The following BPTF variants were observed in gnomAD, a reference collection of about 807,000 sequenced individuals.
BPTF encodes the protein bromodomain PHD finger transcription factor.
Under a neutral mutation model 292.5 loss-of-function variants are expected in BPTF, and 18 were observed. The ratio of observed to expected loss-of-function variants is 0.06; its 90% CI spans 0.04 to 0.09. The LOEUF (loss-of-function observed/expected upper bound fraction) is 0.09, where lower values mean the gene tolerates loss of function less well. BPTF is among the 10% of genes least tolerant of loss of function. The pLI is 1.00. For synonymous variants in BPTF, 1,225 were observed against 1,251.9 expected, an observed-to-expected ratio of 0.98 and a Z score of 0.45; for missense variants, 2,726 against 3,498.7, an observed-to-expected ratio of 0.78 and a Z score of 5.57.
intron 4 of BPTF, among the ~76,000 whole-genome samples, chr17:67,883,374 A>G (rs923536969): frequency 4.6e-5 from 7 of 152,148 alleles, no homozygotes; most frequent in African/African-American, 1.7e-4. Context: ...TACACAGTTC[A>G]TTTGTTTCAG....
At chr17:67,930,520 A>G (rs922027633) in intron 17 of BPTF, among the ~76,000 whole-genome samples, 1 of 152,108 alleles carries the variant, frequency 6.6e-6, no homozygotes, top group Non-Finnish European at 1.5e-5. Context: ...TTTCTTTGTT[A>G]CTAGTATGGA....
chr17:67,912,132 A>G lies in BPTF; in HGVS notation c.4248A>G (p.Ile1416Met). The change falls in exon 11 of 28, where the codon ATA becomes ATG. Residue 1416 changes from isoleucine to methionine, a missense_variant. Coordinates refer to ENST00000306378, the MANE Select transcript of BPTF (RefSeq NM_182641.4). Reference protein sequence around the residue: ...QINGKDNKPKIYLKGECLKEI... With the variant: ...QINGKDNKPKMYLKGECLKEI... ...ATGGAAAAGATAATAAACCCAAAAT[A>G]TATTTGAAAGGTGAATGCTTGAAAG... The G allele has an allele frequency of 1.2e-6, 2 of 1,611,012 alleles. No individual in the cohort carries two copies. Among genetic ancestry groups the G allele is most frequent in the South Asian group, 1.1e-5 (1 of 90,108 alleles).
intron 7 of BPTF, among the ~76,000 whole-genome samples, chr17:67,897,525 A>G (rs117307545): frequency 0.051 from 7,747 of 152,120 alleles, 300 homozygotes; most frequent in Non-Finnish European, 0.071. Context: ...AGATGGTGGA[A>G]TAAAAGTCCC....
At chr17:67,961,943 C>T (rs2067541189) in intron 24 of BPTF, among the ~76,000 whole-genome samples, 1 of 151,096 alleles carries the variant, frequency 6.6e-6, no homozygotes, top group South Asian at 2.1e-4. Context: ...CACTGTACTC[C>T]AGCCTGGGAG....
At chr17:67,891,389 A>G (rs1004089803) in intron 4 of BPTF, 2 of 152,526 alleles carry the variant, frequency 1.3e-5, no homozygotes, top group Non-Finnish European at 2.9e-5. Context: ...TGGAAAATTC[A>G]TGACATTTAT....
chr17:67,894,067 C>T lies in BPTF; in HGVS notation c.2445C>T (p.Ser815=), dbSNP rs1197130226. Reference sequence around the variant, plus strand: ...GGATCAAGGCAGTTCAGATGTGTAGCAAACCCAGAGAATTTGCATTGGCTT... The same window carrying T: ...GGATCAAGGCAGTTCAGATGTGTAGTAAACCCAGAGAATTTGCATTGGCTT... ...ANWIKAVQMC[S]KPREFALALA... Residue 815 remains serine, a synonymous_variant, in exon 7 of 28, where the codon AGC becomes AGT. Coordinates refer to ENST00000306378, the MANE Select transcript of BPTF (RefSeq NM_182641.4). 1 of 1,614,032 alleles carries T rather than the reference C, an allele frequency of 6.2e-7. No individual in the cohort carries two copies. The highest frequency in any genetic ancestry group is 1.7e-5 in the Admixed American group (1 of 60,026).
At chr17:67,928,752 A>G in intron 16 of BPTF, 151 bp downstream of exon 16, 1 of 1,096,580 alleles carries the variant, frequency 9.1e-7, no homozygotes, top group Non-Finnish European at 1.3e-6. Flanking sequence ...TTTGTTACAA[A>G]TAATGTTCAT....
At chr17:67,976,500 A>G (rs2069436098) in intron 27 of BPTF, among the ~76,000 whole-genome samples, 1 of 152,022 alleles carries the variant, frequency 6.6e-6, no homozygotes, top group African/African-American at 2.4e-5. Context: ...AGCCTTGTCA[A>G]CATAATGAGA....
At chr17:67,892,821 A>G (rs2061208930) in intron 5 of BPTF, among the ~76,000 whole-genome samples, 1 of 152,226 alleles carries the variant, frequency 6.6e-6, no homozygotes, top group African/African-American at 2.4e-5. Flanking sequence ...CTATTGCATT[A>G]CATTTTATTT....
At chr17:67,852,705 A>G (rs1050424506) in intron 1 of BPTF, among the ~76,000 whole-genome samples, 3 of 152,250 alleles carry the variant, frequency 2.0e-5, no homozygotes, top group African/African-American at 7.2e-5. Context: ...TGAATTAAAT[A>G]TTTTGTACTT....
chr17:67,922,225 A>G (rs1168660736), intron 13 of BPTF, among the ~76,000 whole-genome samples: 2 of 152,050 alleles, frequency 1.3e-5, no homozygotes, highest in Non-Finnish European at 2.9e-5. Context: ...TCCTGCTTTC[A>G]TTTCTGTTTC....
intron 7 of BPTF, among the ~76,000 whole-genome samples, chr17:67,895,429 C>CT (rs2061376679): frequency 6.7e-6 from 1 of 148,574 alleles, no homozygotes; most frequent in South Asian, 2.1e-4. Context: ...AAAGGTATGG[C>CT]TCCCAGTTTT....
intron 1 of BPTF, among the ~76,000 whole-genome samples, chr17:67,853,358 ACTTC>A (rs757390320): frequency 6.6e-6 from 1 of 152,000 alleles, no homozygotes; most frequent in African/African-American, 2.4e-5. Flanking sequence ...CCTCCTCTGC[ACTTC>A]CTTCCTTTCT....
intron 1 of BPTF, among the ~76,000 whole-genome samples, chr17:67,838,143 C>T (rs1464736250): frequency 6.6e-6 from 1 of 152,214 alleles, no homozygotes; most frequent in African/African-American, 2.4e-5. Flanking sequence ...GCTCTGCCCT[C>T]ATAGCAGGAA....
At chr17:67,923,621 G>A (rs374392132) in intron 14 of BPTF, among the ~76,000 whole-genome samples, 33 of 149,460 alleles carry the variant, frequency 2.2e-4, no homozygotes, top group African/African-American at 7.4e-4. Context: ...CTGGGATTAC[G>A]GGGGTGTGCC....
intron 2 of BPTF, among the ~76,000 whole-genome samples, chr17:67,855,664 C>T (rs1445134146): frequency 1.3e-5 from 2 of 152,148 alleles, no homozygotes; most frequent in Admixed American, 6.5e-5. Flanking sequence ...GGGCATCAGG[C>T]AGGGTTATAG....
At position 67,968,253 on chromosome 17, in the gene BPTF, A is replaced by G. The variant is rs551353091; in HGVS notation, c.8539+1597A>G. ...AGAAGAGTTTGTGTTTCATGGCAGC[A>G]TGAAAGAGGGGGAAACATGAAGTGG... is the stretch of plus-strand genomic sequence containing the variant. On this transcript the variant is annotated intron_variant, in intron 26 of 27. Transcript: ENST00000306378. Among the ~76,000 whole-genome samples, 8 of 151,566 alleles carry G rather than the reference A, an allele frequency of 5.3e-5. 1 individual carries two copies. In the East Asian group the frequency reaches 1.5e-3, roughly 29 times the overall value.
intron 3 of BPTF, among the ~76,000 whole-genome samples, chr17:67,871,818 G>A (rs927835573): frequency 4.6e-5 from 7 of 151,852 alleles, no homozygotes; most frequent in South Asian, 2.1e-4. Flanking sequence ...TTTTGTTGTT[G>A]TTGTTTGTTT....
At chr17:67,975,519 G>A in intron 26 of BPTF, 2 of 377,444 alleles carry the variant, frequency 5.3e-6, no homozygotes, top group Non-Finnish European at 9.5e-6. Flanking sequence ...ATGAAGAACG[G>A]TTCTGTGCAG....
Sources: allele counts gnomAD v4.1 joint callset (sites outside exome capture counted in the v4.1 genomes callset), GRCh38; gene constraint gnomAD v4.1.1; transcripts MANE v1.5; gene names NCBI Gene and HGNC (gene_info 2026-07-23, HGNC 2026-07-21).